Variants in SERF2 observed in about 807,000 individuals in gnomAD.
SERF2 encodes the protein gastric cancer-related protein VRG107.
In SERF2, 4 loss-of-function variants were observed where a neutral mutation model predicts 10.7. That is an observed-to-expected ratio of 0.37 (90% CI 0.18 to 0.86). The LOEUF is 0.86. Among genes scored for constraint, SERF2 ranks in the 40% least tolerant of loss-of-function variants. The probability of loss-of-function intolerance (pLI) is 0.43; values close to 1 mark genes in which losing one functional copy is unlikely to be tolerated. For missense variants in SERF2, 47 were observed against 79.1 expected, an observed-to-expected ratio of 0.59 and a Z score of 1.54; for synonymous variants, 26 against 26.0, an observed-to-expected ratio of 1.00 and a Z score of 0.01.
chr15:43,781,642 A>C (rs1230188219), intron 1 of SERF2, among the ~76,000 whole-genome samples: 3 of 140,622 alleles, frequency 2.1e-5, no homozygotes, highest in Non-Finnish European at 3.0e-5. Context: ...CCCAAGCTGG[A>C]GTGCAATGGT....
chr15:43,793,832 A>G lies in SERF2; in HGVS notation c.*59A>G, dbSNP rs1415942574. The G allele has an allele frequency of 6.2e-7, 1 of 1,613,566 alleles. No homozygotes were observed. Among genetic ancestry groups the G allele is most frequent in the African/African-American group, 1.3e-5 (1 of 74,688 alleles). On this transcript the variant is annotated 3_prime_UTR_variant, in exon 3 of 3. Transcript: ENST00000249786. Reference sequence around the variant, plus strand: ...CGCCTGTGTGCCTGGAGCCAGTCCCACCACGCTCGCGTTTCCTCCTGTAGT... The same window carrying G: ...CGCCTGTGTGCCTGGAGCCAGTCCCGCCACGCTCGCGTTTCCTCCTGTAGT...
upstream of SERF2, among the ~76,000 whole-genome samples, chr15:43,789,854 A>G (rs1221143495): frequency 6.6e-6 from 1 of 151,874 alleles, no homozygotes; most frequent in Non-Finnish European, 1.5e-5. Flanking sequence ...CTAAAAAAAA[A>G]TACAGTCCGA....
Position 43,793,065 on chromosome 15 carries a change from C to A in SERF2, c.98C>A (p.Ala33Asp). Residue 33 changes from alanine to aspartate, a missense_variant, in exon 2 of 3, where the codon GCT (alanine) becomes GAT (aspartate). Transcript: ENST00000249786. ...AAGCGCCGAGATGACGGGCTTTCTG[C>A]TGCCGCCCGCAAGCAGAGGTAGCCC... Reference protein sequence around the residue: ...KGKRRDDGLSAAARKQRDSEI... With the variant: ...KGKRRDDGLSDAARKQRDSEI... The A allele has an allele frequency of 6.2e-7, 1 of 1,611,336 alleles. No homozygotes were observed. The highest frequency in any genetic ancestry group is 8.5e-7 in the Non-Finnish European group (1 of 1,177,684).
At chr15:43,784,901 C>T (rs377592984) in intron 1 of SERF2, among the ~76,000 whole-genome samples, 2 of 147,388 alleles carry the variant, frequency 1.4e-5, no homozygotes, top group African/African-American at 5.0e-5. Flanking sequence ...TATAGGCGCG[C>T]ACCATCACGC....
In SERF2 at chr15:43,795,666, T is replaced by C. The variant is rs200128740; in HGVS notation, c.*1893T>C. ...CTCCACAGAGATCTACCACTTCTTA[T>C]GGTTCCTCACTTGGCACTCACCTTT... On this transcript the variant is annotated 3_prime_UTR_variant, in exon 3 of 3. Transcript: ENST00000249786. 5.6e-6 allele frequency: 9 copies of C among 1,613,654 alleles called. No individual in the cohort carries two copies. Among genetic ancestry groups the C allele is most frequent in the Admixed American group, 3.3e-5 (2 of 60,006 alleles).
chr15:43,778,795 G>C (rs1251793290), intron 1 of SERF2, among the ~76,000 whole-genome samples: 1 of 151,680 alleles, frequency 6.6e-6, no homozygotes, highest in Non-Finnish European at 1.5e-5. Context: ...CCAGCTACTT[G>C]GGAGGCTGAG....
upstream of SERF2, among the ~76,000 whole-genome samples, chr15:43,789,755 C>T (rs1244172836): frequency 6.6e-6 from 1 of 152,084 alleles, no homozygotes; most frequent in Non-Finnish European, 1.5e-5. Context: ...AGCCTGTAAT[C>T]CCAGCACTTT....
rs71111825 is a variant in SERF2, at chr15:43,783,927, ATTTTTTTTTTTTT to A, written c.-526-1466_-526-1454del. On this transcript the variant is annotated intron_variant, in intron 1 of 4. Coordinates refer to the SERF2 transcript ENST00000381359. ...CAAGCGGGTGCCACCACGCCCAGCT[ATTTTTTTTTTTTT>A]TTTTTTTTTTTTTTTTGTATTTTTA... 3.9e-4 allele frequency among the ~76,000 whole-genome samples: 19 copies of A among 48,154 alleles called. 1 individual carries two copies. The South Asian group carries it at 5.3e-3, about 14-fold the overall frequency. The allele number at this position is 48,154 out of a possible 152,430, so 31.6% of individuals were successfully genotyped here. A position where few individuals can be genotyped will look rare whatever the true frequency, so the allele number is the denominator to read the frequency against.
chr15:43,789,048 C>T (rs1205351729), upstream of SERF2, among the ~76,000 whole-genome samples: 1 of 151,556 alleles, frequency 6.6e-6, no homozygotes, highest in African/African-American at 2.4e-5. Context: ...ACTTGGGAGG[C>T]TGAGCCAGGA....
chr15:43,787,878 T>C (rs538088701), upstream of SERF2, among the ~76,000 whole-genome samples: 4 of 149,348 alleles, frequency 2.7e-5, no homozygotes, highest in African/African-American at 9.8e-5. Flanking sequence ...TTTTAGTTTT[T>C]TTTTTTTTTT....
At chr15:43,793,355 C>T in intron 2 of SERF2, 1 of 582,786 alleles carries the variant, frequency 1.7e-6, no homozygotes, top group Non-Finnish European at 3.0e-6. Context: ...CTTCACATTT[C>T]AAATACAGTT....
chr15:43,782,356 C>A (rs572293590), intron 1 of SERF2, among the ~76,000 whole-genome samples: 35 of 152,144 alleles, frequency 2.3e-4, no homozygotes, highest in African/African-American at 7.9e-4. Context: ...TGACACTTAC[C>A]ATATTATGTT....
intron 1 of SERF2, chr15:43,778,026 C>G (rs1248430358): frequency 6.7e-6 from 1 of 149,458 alleles, no homozygotes; most frequent in Non-Finnish European, 1.5e-5. Context: ...TGCAGTGGCA[C>G]GATCTCCGCT....
rs142556047 is a variant in SERF2, at chr15:43,795,094, A to G, written c.*1321A>G. On this transcript the variant is annotated 3_prime_UTR_variant, in exon 3 of 3. Coordinates refer to ENST00000249786, the MANE Select transcript of SERF2 (RefSeq NM_001018108.4). ...GGGTTTCTGGGTGGGGGGCCAACAG[A>G]GTGGTGCCAGTAACAGCCCCAGATA... 2 of 1,613,876 alleles carry G rather than the reference A, an allele frequency of 1.2e-6. No homozygotes were observed. Among genetic ancestry groups the G allele is most frequent in the South Asian group, 1.1e-5 (1 of 91,072 alleles).
chr15:43,790,863 A>C (rs867084269), upstream of SERF2, among the ~76,000 whole-genome samples: 103 of 150,698 alleles, frequency 6.8e-4, no homozygotes, highest in African/African-American at 2.5e-3. Flanking sequence ...TCCTGGGTTC[A>C]CACGGTTCTC....
At chr15:43,783,754 C>T (rs1380407252) in intron 1 of SERF2, among the ~76,000 whole-genome samples, 3 of 151,594 alleles carry the variant, frequency 2.0e-5, no homozygotes, top group Non-Finnish European at 4.4e-5. Context: ...CACACACCAC[C>T]ATATCTGGCT....
chr15:43,792,783 G>A (rs778652544), intron 1 of SERF2, 192 bp from the exon 2 acceptor site: 1 of 687,710 alleles, frequency 1.5e-6, no homozygotes, highest in Non-Finnish European at 2.4e-6. Flanking sequence ...TCTCTAGTCC[G>A]TATTTTGACC....
intron 1 of SERF2, among the ~76,000 whole-genome samples, chr15:43,782,707 A>G (rs1340139846): frequency 6.6e-6 from 1 of 151,762 alleles, no homozygotes; most frequent in Non-Finnish European, 1.5e-5. Context: ...TTTTTCCTGG[A>G]TCCTGTAACT....
At chr15:43,793,683 C>G in intron 2 of SERF2, 27 bp from the exon 3 acceptor site, 1 of 1,614,142 alleles carries the variant, frequency 6.2e-7, no homozygotes, top group Non-Finnish European at 8.5e-7. Context: ...CTGGTACCTC[C>G]CAGTGCCCCA....
Sources: gnomAD v4.1 joint callset for allele counts (sites outside exome capture counted in the v4.1 genomes callset) on GRCh38, gnomAD v4.1.1 for gene constraint, MANE v1.5 for transcripts, NCBI Gene and HGNC (gene_info 2026-07-23, HGNC 2026-07-21) for gene names.